The following MLPH variants were observed in gnomAD, a reference collection of about 807,000 sequenced individuals.
MLPH encodes melanophilin.
MLPH carries 51 observed loss-of-function variants against 72.1 expected under a neutral mutation model. That is an observed-to-expected ratio of 0.71 (90% CI 0.56 to 0.89). The LOEUF is 0.89. Among genes scored for constraint, MLPH ranks in the 40% least tolerant of loss-of-function variants. MLPH has a pLI of 0.00. For synonymous variants in MLPH, 301 were observed against 310.1 expected, an observed-to-expected ratio of 0.97 and a Z score of 0.31; for missense variants, 743 against 759.9, an observed-to-expected ratio of 0.98 and a Z score of 0.26.
intron 2 of MLPH, among the ~76,000 whole-genome samples, chr2:237,495,553 G>A (rs756816763): frequency 7.9e-5 from 12 of 152,196 alleles, no homozygotes; most frequent in African/African-American, 1.2e-4. Context: ...TTCCCATGCT[G>A]AACAGGGTCC....
intron 6 of MLPH, among the ~76,000 whole-genome samples, chr2:237,521,106 C>T (rs958683170): frequency 2.0e-5 from 3 of 152,208 alleles, no homozygotes; most frequent in Admixed American, 2.0e-4. Context: ...AGCAAAGATG[C>T]TGCCGATTGT....
intron 8 of MLPH, among the ~76,000 whole-genome samples, chr2:237,528,072 G>T (rs1450566123): frequency 6.6e-6 from 1 of 152,182 alleles, no homozygotes; most frequent in Non-Finnish European, 1.5e-5. Flanking sequence ...GAGGTTCTTA[G>T]TCAAATTAAT....
chr2:237,491,510 G>C (rs1472984344), intron 1 of MLPH, among the ~76,000 whole-genome samples: 1 of 152,250 alleles, frequency 6.6e-6, no homozygotes, highest in Non-Finnish European at 1.5e-5. Flanking sequence ...CACCTGCCAT[G>C]TGCTGGGAAC....
At chr2:237,540,586 G>A (rs531498009) in intron 10 of MLPH, 53 bp downstream of exon 10, 1 of 1,574,874 alleles carries the variant, frequency 6.3e-7, no homozygotes, top group Admixed American at 1.8e-5. Context: ...TAGGGGCAGG[G>A]ATGGACAGTC....
Position 237,510,077 on chromosome 2 carries a change from C to A in MLPH, c.111-497C>A. The stretch of plus-strand genomic sequence containing the variant: ...ATGGTCTAGGAGAACTGTAGACTTC[C>A]GGGTGCTAGATGATTCCTGCTCTGG... On this transcript the variant is annotated intron_variant, in intron 2 of 15. Coordinates refer to ENST00000264605, the MANE Select transcript of MLPH (RefSeq NM_024101.7). This position sits in a 1 kb window ranked among gnomAD's most constrained non-coding sequence, Gnocchi z 4.4. 4.6e-6 allele frequency: 1 copy of A among 215,644 alleles called. No homozygotes were observed. The highest frequency in any genetic ancestry group is 1.1e-4 in the East Asian group (1 of 8,952). 13.4% of individuals were successfully genotyped at this position (215,644 alleles called of 1,614,324 possible).
rs1300682611 is a variant in MLPH, at chr2:237,512,701, C to G, written c.445+1600C>G. Reference sequence around the variant, plus strand: ...GAGCTTGGTCCAGCCTCCAGTCCACCCCTAACAGGCTTAAGGATAGAAACG... The same window carrying G: ...GAGCTTGGTCCAGCCTCCAGTCCACGCCTAACAGGCTTAAGGATAGAAACG... On this transcript the variant is annotated intron_variant, in intron 4 of 15. Coordinates refer to ENST00000264605, the MANE Select transcript of MLPH (RefSeq NM_024101.7). This position sits in a 1 kb window ranked among gnomAD's most constrained non-coding sequence, Gnocchi z 5.5. 6.6e-6 allele frequency among the ~76,000 whole-genome samples: 1 copy of G among 152,104 alleles called. No individual in the cohort carries two copies. Among genetic ancestry groups the G allele is most frequent in the Admixed American group, 6.5e-5 (1 of 15,270 alleles).
intron 14 of MLPH, among the ~76,000 whole-genome samples, chr2:237,549,700 G>A (rs184751156): frequency 3.2e-4 from 49 of 152,202 alleles, no homozygotes; most frequent in Non-Finnish European, 3.5e-4. Flanking sequence ...GGGCTCTTGG[G>A]GTATCTGTGT....
chr2:237,495,373 G>A (rs1398713058), intron 2 of MLPH, among the ~76,000 whole-genome samples: 1 of 152,210 alleles, frequency 6.6e-6, no homozygotes, highest in East Asian at 1.9e-4. Context: ...GGGGCAGGGG[G>A]TGGCAGCATT....
At chr2:237,552,527 A>G (rs940257008) in intron 15 of MLPH, 90 bp downstream of exon 15, 70 of 1,089,900 alleles carry the variant, frequency 6.4e-5, no homozygotes, top group Non-Finnish European at 8.9e-5. Flanking sequence ...GAGCAAAGAA[A>G]ATGGAGATAA....
chr2:237,527,043 A>G (rs2080319573), intron 7 of MLPH, among the ~76,000 whole-genome samples: 1 of 152,208 alleles, frequency 6.6e-6, no homozygotes, highest in Admixed American at 6.5e-5. Context: ...ATGTGGCTTG[A>G]AACAACATGT....
Position 237,518,609 on chromosome 2 carries a change from C to T in MLPH, c.516C>T (p.Gly172=), listed in dbSNP as rs765978825. The change falls in exon 5 of 16, where the codon GGC becomes GGT. Residue 172 remains glycine (G), a synonymous_variant. Coordinates refer to ENST00000264605, the MANE Select transcript of MLPH (RefSeq NM_024101.7). The part of the protein sequence containing the change: ...SDQTDEDGEP[G]SEAQAQAQPF... ...AGACAGATGAGGATGGAGAACCTGG[C>T]TCAGAGGCCCAGGCCCAGGCCCAGC... 14 of 1,613,622 alleles carry T rather than the reference C, an allele frequency of 8.7e-6. No individual in the cohort carries two copies. Among genetic ancestry groups the T allele is most frequent in the Non-Finnish European group, 1.1e-5 (13 of 1,179,932 alleles).
chr2:237,529,615 A>T (rs2080376781), intron 8 of MLPH, among the ~76,000 whole-genome samples: 1 of 152,220 alleles, frequency 6.6e-6, no homozygotes, highest in African/African-American at 2.4e-5. Context: ...TGAAAGACAC[A>T]GGCTATTAAT....
chr2:237,537,280 T>TTGTG lies in MLPH; in HGVS notation c.1104+2646_1104+2649dup, dbSNP rs372568452. On this transcript the variant is annotated intron_variant, in intron 9 of 15. Transcript: ENST00000264605. ...GTGTGCATGTGTTGTGTGTGTAGGT[T>TTGTG]TGTGTGTGTGTGTGTGAATTTATTT... Among the ~76,000 whole-genome samples the TTGTG allele has an allele frequency of 1.3e-3, 203 of 151,506 alleles. 1 individual carries two copies. The highest frequency in any genetic ancestry group is 1.4e-3 in the Non-Finnish European group (96 of 67,752).
At chr2:237,533,140 A>G (rs2080457122) in intron 8 of MLPH, among the ~76,000 whole-genome samples, 1 of 152,132 alleles carries the variant, frequency 6.6e-6, no homozygotes. Context: ...CATCTTTAAG[A>G]TGGGAGCTAG....
chr2:237,486,589 C>G (rs569829115), upstream of MLPH: 1 of 152,238 alleles, frequency 6.6e-6, no homozygotes, highest in Non-Finnish European at 1.5e-5. Context: ...CTGGAACCAC[C>G]GCGCCGCGCG....
chr2:237,510,371 T>C lies in MLPH; in HGVS notation c.111-203T>C. 1 of 635,498 alleles carries C rather than the reference T, an allele frequency of 1.6e-6. No homozygotes were observed. Among genetic ancestry groups the C allele is most frequent in the Non-Finnish European group, 2.9e-6 (1 of 348,934 alleles). The allele number at this position is 635,498 out of a possible 1,614,324, so 39.4% of individuals were successfully genotyped here. Reference sequence around the variant, plus strand: ...TCCATTCCATTCCAGCCACCAAAATTGCCCGTTTGAGCTCAGCCCTCAAAA... The same window carrying C: ...TCCATTCCATTCCAGCCACCAAAATCGCCCGTTTGAGCTCAGCCCTCAAAA... On this transcript the variant is annotated intron_variant, in intron 2 of 15. Transcript: ENST00000264605. The surrounding 1 kb of genome is among the most constrained non-coding windows in gnomAD (Gnocchi z 4.4).
intron 4 of MLPH, chr2:237,511,441 A>C: frequency 2.9e-6 from 1 of 347,412 alleles, no homozygotes; most frequent in Non-Finnish European, 5.5e-6. Flanking sequence ...TGAGGTGCAA[A>C]CCTCTGCATC....
chr2:237,495,273 G>A (rs1574831438), intron 2 of MLPH, among the ~76,000 whole-genome samples: 1 of 152,198 alleles, frequency 6.6e-6, no homozygotes, highest in Non-Finnish European at 1.5e-5. Flanking sequence ...TCCCATCTCA[G>A]GATCCTTAAT....
At chr2:237,514,203 C>G (rs1469461849) in intron 4 of MLPH, among the ~76,000 whole-genome samples, 2 of 152,060 alleles carry the variant, frequency 1.3e-5, no homozygotes, top group African/African-American at 4.8e-5. Context: ...GGGATGCTCT[C>G]TGGAGTGAGG....
Sources: gnomAD v4.1 joint callset for allele counts (sites outside exome capture counted in the v4.1 genomes callset) on GRCh38, gnomAD v4.1.1 for gene constraint, Gnocchi (gnomAD v3.1) non-coding constraint, MANE v1.5 for transcripts, NCBI Gene and HGNC (gene_info 2026-07-23, HGNC 2026-07-21) for gene names.